The following AFF3 variants were observed in gnomAD, a reference collection of about 807,000 sequenced individuals.
AFF3 encodes the protein AF4/FMR2 family member 3.
Under a neutral mutation model 129.7 loss-of-function variants are expected in AFF3, and 32 were observed. The observed-to-expected ratio is 0.25, with a 90% CI of 0.19 to 0.33. The LOEUF is 0.33. AFF3 is among the 10% of genes least tolerant of loss of function. AFF3 has a pLI of 1.00. For missense variants in AFF3, 1,373 were observed against 1,592.0 expected, an observed-to-expected ratio of 0.86 and a Z score of 2.34; for synonymous variants, 644 against 635.4, an observed-to-expected ratio of 1.01 and a Z score of -0.20.
chr2:99,546,675 C>G lies in AFF3; in HGVS notation c.*4799G>C, dbSNP rs141838813. 1.6e-3 allele frequency: 374 copies of G among 230,466 alleles called. No individual in the cohort carries two copies. Among genetic ancestry groups the G allele is most frequent in the Non-Finnish European group, 2.6e-3 (297 of 116,386 alleles). 14.3% of individuals were successfully genotyped at this position (230,466 alleles called of 1,614,324 possible). A position where few individuals can be genotyped will look rare whatever the true frequency, so the allele number is the denominator to read the frequency against. On this transcript the variant is annotated 3_prime_UTR_variant, in exon 25 of 25. Coordinates refer to ENST00000672756, the MANE Select transcript of AFF3 (RefSeq NM_001386135.1). ...CTCCCACATAGGGGATGCTTCATGT[C>G]AAGCCACTGGTCTAATGCCTCCGTC...
At chr2:100,070,324 T>C (rs1688069698) in intron 4 of AFF3, among the ~76,000 whole-genome samples, 1 of 149,686 alleles carries the variant, frequency 6.7e-6, no homozygotes, top group African/African-American at 2.4e-5. Context: ...TTTTGCAGAT[T>C]AAAACCGTCT....
chr2:99,937,848 T>C (rs1413159228), intron 7 of AFF3, among the ~76,000 whole-genome samples: 1 of 152,232 alleles, frequency 6.6e-6, no homozygotes, highest in Non-Finnish European at 1.5e-5. Flanking sequence ...ACATTCAGAA[T>C]GCACAATCCC....
At chr2:99,802,779 A>G (rs1182033603) in intron 8 of AFF3, among the ~76,000 whole-genome samples, 1 of 149,134 alleles carries the variant, frequency 6.7e-6, no homozygotes, top group Non-Finnish European at 1.5e-5. Context: ...GGTGTATAGC[A>G]GTGCTACTGA....
chr2:99,743,348 A>G (rs902380265), intron 10 of AFF3, among the ~76,000 whole-genome samples: 19 of 152,184 alleles, frequency 1.2e-4, no homozygotes, highest in Non-Finnish European at 2.4e-4. Context: ...ACAGATCTAC[A>G]GCTCAGAGGA....
At chr2:99,930,150 C>T (rs1419534287) in intron 7 of AFF3, among the ~76,000 whole-genome samples, 2 of 152,000 alleles carry the variant, frequency 1.3e-5, no homozygotes, top group African/African-American at 4.8e-5. Context: ...AAATCCTGTG[C>T]CTTCCAGCCA....
At chr2:99,744,976 T>C (rs1347237244) in intron 9 of AFF3, among the ~76,000 whole-genome samples, 1 of 152,244 alleles carries the variant, frequency 6.6e-6, no homozygotes, top group Non-Finnish European at 1.5e-5. Flanking sequence ...TCCACAGCAG[T>C]GAAACCATTT....
chr2:100,142,036 G>T (rs1692906272), intron 1 of AFF3, among the ~76,000 whole-genome samples: 1 of 152,102 alleles, frequency 6.6e-6, no homozygotes, highest in Non-Finnish European at 1.5e-5. Context: ...TCACTCACTG[G>T]GGCCATTGAC....
intron 7 of AFF3, among the ~76,000 whole-genome samples, chr2:99,962,670 T>G (rs1268960486): frequency 6.6e-6 from 1 of 151,822 alleles, no homozygotes; most frequent in Non-Finnish European, 1.5e-5. Context: ...GAGGACAGAA[T>G]CAGTGAACCT....
chr2:99,778,893 TGCGC>T lies in AFF3; in HGVS notation c.922-26596_922-26593del, dbSNP rs869127120. 8.4e-3 allele frequency among the ~76,000 whole-genome samples: 302 copies of T among 35,824 alleles called. 1 individual carries two copies. The highest frequency in any genetic ancestry group is 0.026 in the South Asian group (16 of 614). The allele number at this position is 35,824 out of a possible 152,430, so 23.5% of individuals were successfully genotyped here. ...TTTTGTGTGTGTGTGTGTGTGTGTG[TGCGC>T]GTGTGTGTGTGTGTGTGTGTGTGTG... is the stretch of plus-strand genomic sequence containing the variant. On this transcript the variant is annotated intron_variant, in intron 8 of 24. Transcript: ENST00000672756.
intron 8 of AFF3, among the ~76,000 whole-genome samples, chr2:99,799,392 G>A (rs935510450): frequency 1.3e-5 from 2 of 151,902 alleles, no homozygotes; most frequent in Non-Finnish European, 2.9e-5. Flanking sequence ...CATAAAATTG[G>A]AGTTCCCTAA....
chr2:100,028,581 T>A (rs1684237462), intron 4 of AFF3, among the ~76,000 whole-genome samples: 1 of 152,130 alleles, frequency 6.6e-6, no homozygotes, highest in South Asian at 2.1e-4. Context: ...TATGAATATA[T>A]CCATAAAATA....
At chr2:100,081,634 T>C (rs955653644) in intron 4 of AFF3, among the ~76,000 whole-genome samples, 1 of 152,168 alleles carries the variant, frequency 6.6e-6, no homozygotes, top group African/African-American at 2.4e-5. Flanking sequence ...AGACTGTGGA[T>C]TAGGATCACA....
At chr2:99,721,208 C>T (rs901509076) in intron 11 of AFF3, among the ~76,000 whole-genome samples, 49 of 152,164 alleles carry the variant, frequency 3.2e-4, no homozygotes, top group African/African-American at 1.2e-3. Flanking sequence ...CTTTATTTTA[C>T]TGTCAATTCT....
chr2:99,946,661 G>T (rs1357827234), intron 7 of AFF3, among the ~76,000 whole-genome samples: 1 of 151,886 alleles, frequency 6.6e-6, no homozygotes, highest in Non-Finnish European at 1.5e-5. Context: ...TTAACTTGGG[G>T]TACCCTAATT....
Position 99,549,757 on chromosome 2 carries a change from G to T in AFF3, c.*1717C>A. On this transcript the variant is annotated 3_prime_UTR_variant, in exon 25 of 25. Coordinates refer to ENST00000672756, the MANE Select transcript of AFF3 (RefSeq NM_001386135.1). The stretch of plus-strand genomic sequence containing the variant: ...GTTGTTCAGTCATTTATACAATTTT[G>T]AATCAGTGCTCAGAGCTAAGGAATT... 1 of 216,522 alleles carries T rather than the reference G, an allele frequency of 4.6e-6. No individual in the cohort carries two copies. The highest frequency in any genetic ancestry group is 9.3e-6 in the Non-Finnish European group (1 of 107,648). 13.4% of individuals were successfully genotyped at this position (216,522 alleles called of 1,614,324 possible).
chr2:99,885,559 T>A (rs925064555), intron 7 of AFF3, among the ~76,000 whole-genome samples: 4 of 152,236 alleles, frequency 2.6e-5, no homozygotes, highest in African/African-American at 9.6e-5. Flanking sequence ...AGAGATACTC[T>A]AGGCCCCTAA....
intron 7 of AFF3, among the ~76,000 whole-genome samples, chr2:99,884,867 C>T (rs1010524530): frequency 1.3e-5 from 2 of 152,182 alleles, no homozygotes. Flanking sequence ...CTTCTACCAT[C>T]CTCCAATCCC....
At chr2:99,767,682 G>A (rs1254499514) in intron 8 of AFF3, among the ~76,000 whole-genome samples, 1 of 152,216 alleles carries the variant, frequency 6.6e-6, no homozygotes, top group African/African-American at 2.4e-5. Context: ...CTGCAGCTGG[G>A]TGCGGTGGCT....
chr2:100,012,339 T>C (rs10211423), intron 4 of AFF3, among the ~76,000 whole-genome samples: 23,990 of 152,154 alleles, frequency 0.16, 2,184 homozygotes, highest in African/African-American at 0.22. Flanking sequence ...ACTGAGCTGC[T>C]TCTTAAAACT....
Sources: allele counts gnomAD v4.1 joint callset (sites outside exome capture counted in the v4.1 genomes callset), GRCh38; gene constraint gnomAD v4.1.1; transcripts MANE v1.5; gene names NCBI Gene and HGNC (gene_info 2026-07-23, HGNC 2026-07-21).